The following CLEC16A variants were observed in gnomAD, a reference collection of about 807,000 sequenced individuals.
CLEC16A encodes protein CLEC16A.
A neutral mutation model predicts 109.5 loss-of-function variants in CLEC16A; 51 were observed. The ratio of observed to expected loss-of-function variants is 0.47; its 90% CI spans 0.37 to 0.59. The LOEUF (loss-of-function observed/expected upper bound fraction) is 0.59. Ranked by LOEUF, CLEC16A falls within the 20% of genes least tolerant of loss-of-function variation. CLEC16A has a pLI of 0.00. For synonymous variants in CLEC16A, 673 were observed against 564.2 expected, an observed-to-expected ratio of 1.19 and a Z score of -2.73; for missense variants, 1,339 against 1,394.0, an observed-to-expected ratio of 0.96 and a Z score of 0.63.
At chr16:11,104,147 C>T (rs779066513) in intron 19 of CLEC16A, among the ~76,000 whole-genome samples, 23 of 152,136 alleles carry the variant, frequency 1.5e-4, no homozygotes, top group Middle Eastern at 3.2e-3. Flanking sequence ...CTCACTCTGT[C>T]GCCCAGGCTG....
intron 22 of CLEC16A, among the ~76,000 whole-genome samples, chr16:11,155,241 A>T (rs775221052): frequency 6.6e-6 from 1 of 151,980 alleles, no homozygotes; most frequent in Non-Finnish European, 1.5e-5. Context: ...AGATTGCGTT[A>T]ATGCTTTCAT....
Position 11,025,022 on chromosome 16 carries a change from C to T in CLEC16A, c.1537+101C>T, listed in dbSNP as rs2046331200. The T allele has an allele frequency of 5.8e-6, 5 of 862,798 alleles. No homozygotes were observed. The South Asian group carries it at 5.9e-5, about 10-fold the overall frequency. 53.4% of individuals were successfully genotyped at this position (862,798 alleles called of 1,614,324 possible). A position where few individuals can be genotyped will look rare whatever the true frequency, so the allele number is the denominator to read the frequency against. Reference sequence around the variant, plus strand: ...AGGACAAAGAAAGGTGCTTTCTGTACAGAATTTCCTTTCTGGTTTTGGTGG... The same window carrying T: ...AGGACAAAGAAAGGTGCTTTCTGTATAGAATTTCCTTTCTGGTTTTGGTGG... On this transcript the variant is annotated intron_variant, in intron 13 of 23. Transcript: ENST00000409790.
At chr16:11,012,371 G>A (rs1303658113) in intron 11 of CLEC16A, among the ~76,000 whole-genome samples, 4 of 152,080 alleles carry the variant, frequency 2.6e-5, no homozygotes, top group East Asian at 1.9e-4. Flanking sequence ...CGAGGTGGGC[G>A]GATCATGAGG....
intron 2 of CLEC16A, among the ~76,000 whole-genome samples, chr16:10,960,574 T>G (rs1047062064): frequency 7.2e-5 from 11 of 152,212 alleles, no homozygotes; most frequent in African/African-American, 2.7e-4. Context: ...TTCTCTACTA[T>G]AAAGCTACTG....
intron 1 of CLEC16A, among the ~76,000 whole-genome samples, chr16:10,956,687 G>A (rs1241889395): frequency 6.6e-6 from 1 of 152,210 alleles, no homozygotes; most frequent in Non-Finnish European, 1.5e-5. Context: ...TCCCCCACCA[G>A]CAAAGAGGCC....
At position 11,042,245 on chromosome 16, in the gene CLEC16A, G is replaced by C. The variant is rs745798881; in HGVS notation, c.1661-9G>C. 3.2e-6 allele frequency: 5 copies of C among 1,567,878 alleles called. No individual in the cohort carries two copies. In the South Asian group the frequency reaches 4.7e-5, roughly 15 times the overall value. ...GGGTGTGCAAGGCTTACCCTGGTGT[G>C]CTCTGCAGATGGGAAGATCCGGCTG... On this transcript the variant is annotated splice_polypyrimidine_tract_variant and intron_variant, in intron 14 of 23. Transcript: ENST00000409790.
intron 23 of CLEC16A, among the ~76,000 whole-genome samples, chr16:11,168,798 G>A (rs1432070763): frequency 6.6e-6 from 1 of 152,266 alleles, no homozygotes; most frequent in Non-Finnish European, 1.5e-5. Flanking sequence ...GCAGAGGAGA[G>A]AAAGCCAAGG....
intron 19 of CLEC16A, among the ~76,000 whole-genome samples, chr16:11,087,474 C>A (rs568993407): frequency 6.6e-6 from 1 of 152,224 alleles, no homozygotes; most frequent in South Asian, 2.1e-4. Flanking sequence ...ACCTAAACTA[C>A]TACTTGTTTT....
intron 20 of CLEC16A, among the ~76,000 whole-genome samples, chr16:11,121,593 A>G (rs1188200703): frequency 6.6e-6 from 1 of 151,838 alleles, no homozygotes; most frequent in East Asian, 1.9e-4. Flanking sequence ...ATGTTTGCCA[A>G]CGTGGGCCAG....
At chr16:11,050,738 G>T (rs1380348895) in intron 17 of CLEC16A, among the ~76,000 whole-genome samples, 2 of 152,216 alleles carry the variant, frequency 1.3e-5, no homozygotes, top group Non-Finnish European at 2.9e-5. Context: ...TCTGAGCTCA[G>T]TGTCCCTTTT....
At chr16:11,075,844 A>G (rs1397554272) in intron 19 of CLEC16A, among the ~76,000 whole-genome samples, 2 of 152,122 alleles carry the variant, frequency 1.3e-5, no homozygotes, top group East Asian at 3.9e-4. Context: ...GCGTCTTGAT[A>G]GAGCCCAGTT....
chr16:11,040,384 G>C (rs573520239), intron 14 of CLEC16A: 1 of 155,944 alleles, frequency 6.4e-6, no homozygotes, highest in African/African-American at 2.4e-5. Context: ...GAGAGGTTAC[G>C]CTAGTGCTGG....
At chr16:10,950,071 A>G (rs1289290836) in intron 1 of CLEC16A, among the ~76,000 whole-genome samples, 1 of 152,130 alleles carries the variant, frequency 6.6e-6, no homozygotes, top group Non-Finnish European at 1.5e-5. Context: ...ACACATTATT[A>G]TATACTTCTC....
intron 10 of CLEC16A, among the ~76,000 whole-genome samples, chr16:10,984,685 C>A (rs979560587): frequency 6.6e-6 from 1 of 152,170 alleles, no homozygotes; most frequent in East Asian, 1.9e-4. Context: ...ACAGCTGACT[C>A]AGAGTTTATG....
Position 11,181,593 on chromosome 16 carries a change from C to G in CLEC16A, c.*2903C>G, listed in dbSNP as rs192927133. ...CTTTCTGGACGTGCAAGGTACCTGT[C>G]CCAGCAGGTCAGATGGGGCCAGCTG... On this transcript the variant is annotated 3_prime_UTR_variant, in exon 24 of 24. Coordinates refer to ENST00000409790, the MANE Select transcript of CLEC16A (RefSeq NM_015226.3). 50 of 152,422 alleles carry G rather than the reference C, an allele frequency of 3.3e-4. No individual in the cohort carries two copies. The highest frequency in any genetic ancestry group is 1.2e-3 in the African/African-American group (49 of 41,578). The allele number at this position is 152,422 out of a possible 1,614,324, so 9.4% of individuals were successfully genotyped here. A position where few individuals can be genotyped will look rare whatever the true frequency, so the allele number is the denominator to read the frequency against.
At chr16:10,991,423 CAA>C (rs756161193) in intron 10 of CLEC16A, among the ~76,000 whole-genome samples, 80 of 63,366 alleles carry the variant, frequency 1.3e-3, no homozygotes, top group South Asian at 3.0e-3. Flanking sequence ...GACTCCGTCT[CAA>C]AAAAAAAAAA....
At chr16:10,976,112 T>G (rs2043019567) in intron 7 of CLEC16A, among the ~76,000 whole-genome samples, 3 of 151,988 alleles carry the variant, frequency 2.0e-5, no homozygotes, top group African/African-American at 7.3e-5. Flanking sequence ...CTATGAAAAA[T>G]TTTTAAAAAT....
chr16:10,944,933 G>A, intron 1 of CLEC16A, 136 bp downstream of exon 1: 2 of 785,086 alleles, frequency 2.5e-6, no homozygotes, highest in Non-Finnish European at 2.0e-6. Flanking sequence ...GGTTAAGAGC[G>A]AGGGCTCGGG....
chr16:11,075,728 C>T (rs1416403371), intron 19 of CLEC16A, among the ~76,000 whole-genome samples: 4 of 152,028 alleles, frequency 2.6e-5, no homozygotes, highest in Non-Finnish European at 4.4e-5. Context: ...TGAGCCCCTG[C>T]GCCTGGCCTT....
Sources: allele counts gnomAD v4.1 joint callset (sites outside exome capture counted in the v4.1 genomes callset), GRCh38; gene constraint gnomAD v4.1.1; transcripts MANE v1.5; gene names NCBI Gene and HGNC (gene_info 2026-07-23, HGNC 2026-07-21).